Variants in CFDP1 observed in about 807,000 individuals in gnomAD.
The protein encoded by CFDP1 is chromatin remodeling protein CFDP1, also known as heterochromatin-stabilizing protein CFDP1.
CFDP1 carries 31 observed loss-of-function variants against 40.1 expected under a neutral mutation model. That is an observed-to-expected ratio of 0.77 (90% confidence interval 0.58 to 1.04). The LOEUF (loss-of-function observed/expected upper bound fraction) is 1.04. Among genes scored for constraint, CFDP1 ranks in the 50% least tolerant of loss-of-function variants. The pLI is 0.00. For missense variants in CFDP1, 423 were observed against 343.4 expected, an observed-to-expected ratio of 1.23 and a Z score of -1.83; for synonymous variants, 167 against 120.0, an observed-to-expected ratio of 1.39 and a Z score of -2.56.
chr16:75,349,671 A>C (rs1402793187), intron 5 of CFDP1, among the ~76,000 whole-genome samples: 1 of 60,758 alleles, frequency 1.6e-5, no homozygotes, highest in Non-Finnish European at 3.2e-5. Flanking sequence ...AAAAAAAAAA[A>C]AAAAAAAAAA....
intron 5 of CFDP1, among the ~76,000 whole-genome samples, chr16:75,360,674 C>G (rs1597354003): frequency 6.6e-6 from 1 of 152,158 alleles, no homozygotes; most frequent in Non-Finnish European, 1.5e-5. Flanking sequence ...AAATTTGCCA[C>G]TAGTTTACCC....
At chr16:75,348,664 G>A (rs1474372054) in intron 5 of CFDP1, among the ~76,000 whole-genome samples, 1 of 151,704 alleles carries the variant, frequency 6.6e-6, no homozygotes, top group Admixed American at 6.6e-5. Flanking sequence ...GATATAATTT[G>A]CACATCATAA....
chr16:75,407,847 C>T (rs1249406128), intron 4 of CFDP1, among the ~76,000 whole-genome samples: 1 of 152,074 alleles, frequency 6.6e-6, no homozygotes, highest in Non-Finnish European at 1.5e-5. Flanking sequence ...GTGGCTCACA[C>T]CTGCAATCCA....
At chr16:75,417,583 G>C (rs2079221957) in intron 1 of CFDP1, among the ~76,000 whole-genome samples, 1 of 152,120 alleles carries the variant, frequency 6.6e-6, no homozygotes. Context: ...GGATAAACAA[G>C]AAACTAATGA....
chr16:75,309,299 G>T (rs4536500), intron 5 of CFDP1, among the ~76,000 whole-genome samples: 1 of 152,052 alleles, frequency 6.6e-6, no homozygotes, highest in African/African-American at 2.4e-5. Context: ...AAAGGTACAT[G>T]AACCAGGCTT....
At chr16:75,430,304 G>C (rs1366744862) in intron 1 of CFDP1, among the ~76,000 whole-genome samples, 1 of 151,880 alleles carries the variant, frequency 6.6e-6, no homozygotes, top group South Asian at 2.1e-4. Context: ...GGAGTAGCTG[G>C]GATTACAGGC....
At chr16:75,369,235 A>G (rs1436041533) in intron 5 of CFDP1, among the ~76,000 whole-genome samples, 2 of 152,144 alleles carry the variant, frequency 1.3e-5, no homozygotes, top group Non-Finnish European at 2.9e-5. Flanking sequence ...TTATTTAGGG[A>G]ATAATAAAAA....
chr16:75,393,402 T>C (rs2078968610), intron 5 of CFDP1, among the ~76,000 whole-genome samples: 1 of 152,134 alleles, frequency 6.6e-6, no homozygotes, highest in Admixed American at 6.5e-5. Flanking sequence ...AGTATAACTC[T>C]GTTGTTAAGA....
At chr16:75,373,944 G>A (rs2078772555) in intron 5 of CFDP1, among the ~76,000 whole-genome samples, 1 of 152,040 alleles carries the variant, frequency 6.6e-6, no homozygotes, top group African/African-American at 2.4e-5. Flanking sequence ...GTCTGTATAG[G>A]GAGTTAGTTT....
At chr16:75,389,922 C>G (rs1597375519) in intron 5 of CFDP1, among the ~76,000 whole-genome samples, 1 of 152,290 alleles carries the variant, frequency 6.6e-6, no homozygotes, top group Non-Finnish European at 1.5e-5. Flanking sequence ...TAAAAATGAG[C>G]ATACCAACCT....
At chr16:75,339,581 C>T (rs1020256197) in intron 5 of CFDP1, among the ~76,000 whole-genome samples, 2 of 152,144 alleles carry the variant, frequency 1.3e-5, no homozygotes, top group African/African-American at 4.8e-5. Flanking sequence ...CAATCTCCAT[C>T]GGTTACAGGG....
chr16:75,318,627 A>G (rs1024509658), intron 5 of CFDP1, among the ~76,000 whole-genome samples: 2 of 151,964 alleles, frequency 1.3e-5, no homozygotes, highest in African/African-American at 4.8e-5. Context: ...GATGGTCTCG[A>G]TCTCCTGACC....
rs78383189 is a variant in CFDP1, at chr16:75,310,266, G to A, written c.651-5084C>T. 6.0e-3 allele frequency among the ~76,000 whole-genome samples: 914 copies of A among 152,268 alleles called. 12 individuals carry two copies. The highest frequency in any genetic ancestry group is 0.02 in the African/African-American group (848 of 41,548). On this transcript the variant is annotated intron_variant, in intron 5 of 6. Transcript: ENST00000283882. The stretch of plus-strand genomic sequence containing the variant: ...GAGTGGCTGAGTGCAGCTCATACTG[G>A]TGAAAGAGACACTTATTTTCCAAGC...
At position 75,349,668 on chromosome 16, in the gene CFDP1, A is replaced by ATAT. The variant is rs1567653447; in HGVS notation, c.651-44487_651-44486insATA. ...TCCGTCTCAAAAAAAAAAAAAAAAAAAAAAAAAAAAAAAAAAAAAAAAATA... is the reference window on the plus strand; with the variant it reads ...TCCGTCTCAAAAAAAAAAAAAAAAAATATAAAAAAAAAAAAAAAAAAAAAAATA... On this transcript the variant is annotated intron_variant, in intron 5 of 6. Coordinates refer to ENST00000283882, the MANE Select transcript of CFDP1 (RefSeq NM_006324.3). Among the ~76,000 whole-genome samples, 35 of 9,164 alleles carry ATAT rather than the reference A, an allele frequency of 3.8e-3. 1 individual carries two copies. Among genetic ancestry groups the ATAT allele is most frequent in the Non-Finnish European group, 5.6e-3 (29 of 5,184 alleles). 6.0% of individuals were successfully genotyped at this position (9,164 alleles called of 152,430 possible). A position where few individuals can be genotyped will look rare whatever the true frequency, so the allele number is the denominator to read the frequency against.
At chr16:75,374,818 C>A (rs947113525) in intron 5 of CFDP1, among the ~76,000 whole-genome samples, 3 of 152,068 alleles carry the variant, frequency 2.0e-5, no homozygotes, top group Admixed American at 1.3e-4. Context: ...TAAAAATTGA[C>A]TGCTTATTTT....
chr16:75,330,012 G>C (rs989208237), intron 5 of CFDP1, among the ~76,000 whole-genome samples: 1 of 152,096 alleles, frequency 6.6e-6, no homozygotes, highest in Non-Finnish European at 1.5e-5. Context: ...ACGTGCTTTA[G>C]AATCCCCAGA....
At chr16:75,344,536 A>G (rs1471813745) in intron 5 of CFDP1, among the ~76,000 whole-genome samples, 1 of 152,234 alleles carries the variant, frequency 6.6e-6, no homozygotes, top group African/African-American at 2.4e-5. Flanking sequence ...TTCACCTAAG[A>G]AAAACCAAAA....
rs1195103831 is a variant in CFDP1 at position 75,412,448 on chromosome 16, G to A, written c.402+87C>T. 6 of 957,422 alleles carry A rather than the reference G, an allele frequency of 6.3e-6. No homozygotes were observed. In the African/African-American group the frequency reaches 8.1e-5, roughly 13 times the overall value. The allele number at this position is 957,422 out of a possible 1,614,324, so 59.3% of individuals were successfully genotyped here. On this transcript the variant is annotated intron_variant, in intron 3 of 6. Coordinates refer to ENST00000283882, the MANE Select transcript of CFDP1 (RefSeq NM_006324.3). ...CACTTAGTACAATTGTTATCAAAAGGCATCTGGTCGATTTCCGTAGGCTTC... is the reference window on the plus strand; with the variant it reads ...CACTTAGTACAATTGTTATCAAAAGACATCTGGTCGATTTCCGTAGGCTTC...
At position 75,418,589 on chromosome 16, in the gene CFDP1, G is replaced by A. The variant is rs940245879; in HGVS notation, c.65-3894C>T. On this transcript the variant is annotated intron_variant, in intron 1 of 6. Transcript: ENST00000283882. ...CTCCCAAAGTGCTGGGATTACAGGCGTGAGCCAACGCGCCCGGCTAACCCT... is the reference window on the plus strand; with the variant it reads ...CTCCCAAAGTGCTGGGATTACAGGCATGAGCCAACGCGCCCGGCTAACCCT... 3.9e-5 allele frequency among the ~76,000 whole-genome samples: 6 copies of A among 151,984 alleles called. No individual in the cohort carries two copies. In the East Asian group the frequency reaches 1.2e-3, roughly 30 times the overall value.
Sources: allele counts gnomAD v4.1 joint callset (sites outside exome capture counted in the v4.1 genomes callset), GRCh38; gene constraint gnomAD v4.1.1; transcripts MANE v1.5; gene names NCBI Gene and HGNC (gene_info 2026-07-23, HGNC 2026-07-21).